Variants in SEMA3A observed in about 807,000 individuals in gnomAD.
SEMA3A encodes semaphorin-3A.
Under a neutral mutation model 97.9 loss-of-function variants are expected in SEMA3A, and 29 were observed. The ratio of observed to expected loss-of-function variants is 0.30; its 90% confidence interval spans 0.22 to 0.40. SEMA3A has a LOEUF of 0.40. Ranked by LOEUF, SEMA3A falls within the 10% of genes least tolerant of loss-of-function variation. SEMA3A has a pLI of 1.00. For synonymous variants in SEMA3A, 321 were observed against 323.7 expected (o/e 0.99, Z 0.09); for missense variants, 763 against 951.3 (o/e 0.80, Z 2.60).
intron 1 of SEMA3A, among the ~76,000 whole-genome samples, chr7:84,152,080 T>G (rs1293999546): frequency 8.0e-4 from 120 of 150,546 alleles, no homozygotes; most frequent in African/African-American, 2.8e-3. Flanking sequence ...AGGAACACTT[T>G]TACACTGTTG....
At chr7:84,239,760 T>C (rs532077315) in intron 3 of SEMA3A, among the ~76,000 whole-genome samples, 1 of 152,250 alleles carries the variant, frequency 6.6e-6, no homozygotes, top group Non-Finnish European at 1.5e-5. Context: ...TTACCATCTT[T>C]GGAGGCCATC....
intron 9 of SEMA3A, among the ~76,000 whole-genome samples, chr7:84,009,152 T>A (rs1022156706): frequency 6.6e-6 from 1 of 152,226 alleles, no homozygotes; most frequent in Non-Finnish European, 1.5e-5. Context: ...TTAATTTCTA[T>A]TGAGCCAGAA....
chr7:83,994,049 G>A (rs1035025490), intron 12 of SEMA3A, among the ~76,000 whole-genome samples: 10 of 149,022 alleles, frequency 6.7e-5, no homozygotes, highest in Admixed American at 1.3e-4. Context: ...TTCCCTTCTC[G>A]CCTCATTTCA....
intron 11 of SEMA3A, among the ~76,000 whole-genome samples, chr7:84,003,296 A>AATC (rs1179390523): frequency 6.6e-6 from 1 of 152,220 alleles, no homozygotes; most frequent in Non-Finnish European, 1.5e-5. Context: ...AAATTAGGTT[A>AATC]ATCTACTCAG....
intron 3 of SEMA3A, among the ~76,000 whole-genome samples, chr7:84,238,073 A>AT (rs911701621): frequency 2.5e-4 from 37 of 148,034 alleles, no homozygotes; most frequent in South Asian, 8.6e-4. Flanking sequence ...AGGATATTCA[A>AT]TTTTTTTTTT....
intron 4 of SEMA3A, among the ~76,000 whole-genome samples, chr7:84,105,782 A>G (rs985594159): frequency 6.6e-6 from 1 of 152,150 alleles, no homozygotes; most frequent in Non-Finnish European, 1.5e-5. Context: ...CCTCTCAAGG[A>G]TGACTCACAC....
At chr7:84,180,171 C>A (rs1016907963) in intron 1 of SEMA3A, among the ~76,000 whole-genome samples, 2 of 150,582 alleles carry the variant, frequency 1.3e-5, no homozygotes, top group Non-Finnish European at 3.0e-5. Flanking sequence ...GTCTCTAACT[C>A]CCGACCTCAG....
chr7:84,314,851 C>A (rs1433516820), intron 2 of SEMA3A, among the ~76,000 whole-genome samples: 1 of 152,034 alleles, frequency 6.6e-6, no homozygotes, highest in African/African-American at 2.4e-5. Flanking sequence ...ATTAGAAAGT[C>A]ATTTTTTCAA....
At chr7:84,067,335 G>A (rs1161596772) in intron 4 of SEMA3A, among the ~76,000 whole-genome samples, 3 of 152,030 alleles carry the variant, frequency 2.0e-5, no homozygotes, top group African/African-American at 4.8e-5. Context: ...GAAAACCTAG[G>A]CATTACCATT....
At chr7:84,313,386 A>AAAC (rs1801408322) in intron 2 of SEMA3A, among the ~76,000 whole-genome samples, 1 of 95,710 alleles carries the variant, frequency 1.0e-5, no homozygotes, top group Admixed American at 1.1e-4. Context: ...ATATATATAT[A>AAAC]TATATATATA....
Position 84,227,887 on chromosome 7 carries a change from G to GCC in SEMA3A, c.-82-33220_-82-33219insGG, listed in dbSNP as rs199948452. Among the ~76,000 whole-genome samples the GCC allele has an allele frequency of 6.4e-3, 969 of 151,660 alleles. 44 individuals are homozygous for GCC. The East Asian group carries it at 0.12, about 19-fold the overall frequency. ...CTGGTAGATGATGTAAATGATGTAA[G>GCC]TCTCTGTGTGTGTGTGTGTGCGTGC... is the stretch of plus-strand genomic sequence containing the variant. On this transcript the variant is annotated intron_variant, in intron 3 of 3. Transcript: ENST00000424555.
chr7:83,974,792 AG>A (rs1021516928), intron 15 of SEMA3A, among the ~76,000 whole-genome samples: 52 of 152,100 alleles, frequency 3.4e-4, no homozygotes, highest in African/African-American at 1.2e-3. Flanking sequence ...CAAGCAGACA[AG>A]GGGAAAAGAG....
At chr7:84,356,845 T>A (rs1478099789) in intron 2 of SEMA3A, among the ~76,000 whole-genome samples, 1 of 151,800 alleles carries the variant, frequency 6.6e-6, no homozygotes, top group African/African-American at 2.4e-5. Flanking sequence ...TTATGAATCG[T>A]GGTTTAAAAA....
intron 4 of SEMA3A, among the ~76,000 whole-genome samples, chr7:84,082,421 G>A (rs1435392878): frequency 6.6e-6 from 1 of 152,072 alleles, no homozygotes; most frequent in Non-Finnish European, 1.5e-5. Flanking sequence ...AAATGAAAAA[G>A]GCATTTGATA....
intron 2 of SEMA3A, 110 bp from the exon 3 acceptor site, chr7:84,129,295 T>C (rs1423551446): frequency 1.1e-6 from 1 of 872,426 alleles, no homozygotes; most frequent in Non-Finnish European, 1.9e-6. Context: ...GAAAGTTCCA[T>C]AAAGACTGTT....
At chr7:84,377,255 G>A (rs1803126797) in intron 1 of SEMA3A, among the ~76,000 whole-genome samples, 1 of 151,978 alleles carries the variant, frequency 6.6e-6, no homozygotes, top group Admixed American at 6.6e-5. Context: ...ATTTTTCCTA[G>A]TACGACTTAT....
chr7:84,400,512 G>A (rs1486588474), intron 1 of SEMA3A, among the ~76,000 whole-genome samples: 2 of 152,260 alleles, frequency 1.3e-5, no homozygotes, highest in East Asian at 1.9e-4. Flanking sequence ...ATGCATTAGA[G>A]TGTCTCAACA....
At chr7:84,359,059 A>G (rs1405814665) in intron 2 of SEMA3A, among the ~76,000 whole-genome samples, 1 of 152,210 alleles carries the variant, frequency 6.6e-6, no homozygotes, top group Non-Finnish European at 1.5e-5. Flanking sequence ...GGGGTTTTCT[A>G]CATATACAAC....
chr7:84,366,967 C>T (rs1422255345), intron 2 of SEMA3A, among the ~76,000 whole-genome samples: 1 of 150,396 alleles, frequency 6.6e-6, no homozygotes, highest in African/African-American at 2.4e-5. Context: ...TTTGCATACA[C>T]TAAAATGCCT....
Sources: gnomAD v4.1 joint callset for allele counts (sites outside exome capture counted in the v4.1 genomes callset) on GRCh38, gnomAD v4.1.1 for gene constraint, MANE v1.5 for transcripts, NCBI Gene and HGNC (gene_info 2026-07-23, HGNC 2026-07-21) for gene names.